Variants in CELF2 observed in about 807,000 individuals in gnomAD.
CELF2 encodes CUG triplet repeat RNA-binding protein 2.
A neutral mutation model predicts 62.6 loss-of-function variants in CELF2; 8 were observed. The observed-to-expected ratio is 0.13, with a 90% CI of 0.07 to 0.23. The LOEUF is 0.23. Among genes scored for constraint, CELF2 ranks in the 10% least tolerant of loss-of-function variants. CELF2 has a pLI of 1.00. For synonymous variants in CELF2, 258 were observed against 250.0 expected (o/e 1.03, Z -0.30); for missense variants, 333 against 671.0 (o/e 0.50, Z 5.56).
At chr10:10,996,042 A>G (rs1380792239) in intron 2 of CELF2, among the ~76,000 whole-genome samples, 1 of 152,240 alleles carries the variant, frequency 6.6e-6, no homozygotes, top group Non-Finnish European at 1.5e-5. Flanking sequence ...TTACTAAAAA[A>G]GTTTAAAGTA....
the CELF2 span, among the ~76,000 whole-genome samples, chr10:10,713,507 T>C: frequency 6.6e-6 from 1 of 152,246 alleles, no homozygotes. Context: ...TGTGCCTGCC[T>C]ACCTGCAGAG....
At chr10:10,559,175 G>A in the CELF2 span, among the ~76,000 whole-genome samples, 3 of 152,180 alleles carry the variant, frequency 2.0e-5, no homozygotes, top group South Asian at 6.2e-4. Flanking sequence ...ATAACAAACT[G>A]TAGTAAGTGT....
At chr10:10,812,603 G>T (rs1277716931) in intron 1 of CELF2, among the ~76,000 whole-genome samples, 2 of 152,130 alleles carry the variant, frequency 1.3e-5, no homozygotes, top group African/African-American at 2.4e-5. Context: ...AGCAGTGCCT[G>T]GTCCTGTATG....
intron 7 of CELF2, among the ~76,000 whole-genome samples, chr10:11,273,723 G>GT (rs201074010): frequency 1.4e-4 from 19 of 134,456 alleles, no homozygotes; most frequent in African/African-American, 5.2e-4. Flanking sequence ...TTGTTTTTTT[G>GT]TTTTTTTGTT....
the CELF2 span, among the ~76,000 whole-genome samples, chr10:10,726,521 TTC>T: frequency 2.0e-5 from 3 of 152,294 alleles, no homozygotes; most frequent in Admixed American, 6.5e-5. Context: ...CGACCTGCCT[TTC>T]TCTCTCCCGC....
intron 2 of CELF2, among the ~76,000 whole-genome samples, chr10:11,196,015 G>T (rs1322089714): frequency 2.1e-5 from 3 of 143,256 alleles, no homozygotes; most frequent in Non-Finnish European, 3.1e-5. Context: ...CATGGTAAAA[G>T]AGCACCTCAG....
At chr10:10,673,190 T>A in the CELF2 span, among the ~76,000 whole-genome samples, 22 of 152,162 alleles carry the variant, frequency 1.4e-4, no homozygotes, top group Non-Finnish European at 3.1e-4. Flanking sequence ...TCTGTTTTTG[T>A]TAATTTTTCA....
chr10:10,467,215 A>G, the CELF2 span, among the ~76,000 whole-genome samples: 8 of 151,870 alleles, frequency 5.3e-5, no homozygotes, highest in Non-Finnish European at 1.2e-4. Context: ...TTATAATTTC[A>G]GTGTTCACAC....
chr10:10,869,342 T>A (rs1347741111), intron 1 of CELF2, among the ~76,000 whole-genome samples: 3 of 152,076 alleles, frequency 2.0e-5, no homozygotes, highest in Non-Finnish European at 4.4e-5. Context: ...GGCGGGCAGA[T>A]CACAAGGTCA....
At chr10:10,505,528 G>A in the CELF2 span, among the ~76,000 whole-genome samples, 1 of 152,040 alleles carries the variant, frequency 6.6e-6, no homozygotes, top group East Asian at 1.9e-4. Context: ...ACACCAAGGA[G>A]AAGAGGCAAA....
intron 1 of CELF2, among the ~76,000 whole-genome samples, chr10:11,148,456 G>C (rs2062678319): frequency 6.6e-6 from 1 of 152,182 alleles, no homozygotes; most frequent in Non-Finnish European, 1.5e-5. Flanking sequence ...GAAATACAGG[G>C]CTGTAAATAA....
the CELF2 span, among the ~76,000 whole-genome samples, chr10:10,529,241 C>T: frequency 6.6e-6 from 1 of 152,178 alleles, no homozygotes; most frequent in Non-Finnish European, 1.5e-5. Context: ...GATTCTGTCA[C>T]TCTTCCCACA....
the CELF2 span, among the ~76,000 whole-genome samples, chr10:10,604,345 G>C: frequency 6.6e-6 from 1 of 152,212 alleles, no homozygotes; most frequent in African/African-American, 2.4e-5. Flanking sequence ...AAAGAAGTTT[G>C]ATATCCACAA....
chr10:10,835,091 C>T (rs990746682), intron 1 of CELF2, among the ~76,000 whole-genome samples: 13 of 152,184 alleles, frequency 8.5e-5, no homozygotes, highest in African/African-American at 3.1e-4. Context: ...GAGCATTAGC[C>T]TCCTCACTAA....
intron 1 of CELF2, among the ~76,000 whole-genome samples, chr10:11,063,663 TTAAA>T (rs2067352685): frequency 1.3e-5 from 2 of 152,232 alleles, no homozygotes; most frequent in Non-Finnish European, 2.9e-5. Flanking sequence ...GCAGCTGTCT[TTAAA>T]TAAACCCTTT....
the CELF2 span, among the ~76,000 whole-genome samples, chr10:10,690,538 A>G: frequency 3.3e-5 from 5 of 152,176 alleles, no homozygotes; most frequent in East Asian, 1.9e-4. Flanking sequence ...TCAGTACACA[A>G]TGGTTGACAA....
the CELF2 span, among the ~76,000 whole-genome samples, chr10:10,770,840 A>C: frequency 6.6e-6 from 1 of 152,208 alleles, no homozygotes; most frequent in African/African-American, 2.4e-5. Flanking sequence ...CCATCCCAGA[A>C]AATAGACTCC....
chr10:11,058,249 T>C (rs2065796699), intron 1 of CELF2, among the ~76,000 whole-genome samples: 1 of 151,300 alleles, frequency 6.6e-6, no homozygotes, highest in South Asian at 2.1e-4. Flanking sequence ...TGTGAATTAT[T>C]CTCCTGTAGT....
intron 1 of CELF2, among the ~76,000 whole-genome samples, chr10:11,143,725 A>G (rs879937796): frequency 3.3e-5 from 5 of 152,220 alleles, no homozygotes; most frequent in African/African-American, 4.8e-5. Context: ...CAGTCTTAGT[A>G]TAGACCTTGC....
Sources: allele counts gnomAD v4.1 joint callset (sites outside exome capture counted in the v4.1 genomes callset), GRCh38; gene constraint gnomAD v4.1.1; transcripts MANE v1.5; gene names NCBI Gene and HGNC (gene_info 2026-07-23, HGNC 2026-07-21).